Variants in CCDC13 observed in about 807,000 individuals in gnomAD.
CCDC13 encodes coiled-coil domain-containing protein 13.
CCDC13 carries 70 observed loss-of-function variants against 87.3 expected under a neutral mutation model. The observed-to-expected ratio is 0.80, with a 90% CI of 0.66 to 0.98. The LOEUF is 0.98. Ranked by LOEUF, CCDC13 falls within the 50% of genes least tolerant of loss-of-function variation. The probability of loss-of-function intolerance (pLI) is 0.00; values close to 1 mark genes in which losing one functional copy is unlikely to be tolerated. For missense variants in CCDC13, 842 were observed against 892.0 expected (o/e 0.94, Z 0.71); for synonymous variants, 317 against 360.3 (o/e 0.88, Z 1.36).
intron 1 of CCDC13, among the ~76,000 whole-genome samples, chr3:42,763,097 AAAAAGG>A (rs1699866550): frequency 6.6e-6 from 1 of 152,254 alleles, no homozygotes; most frequent in African/African-American, 2.4e-5. Flanking sequence ...TTATGAACAG[AAAAAGG>A]AAAGTGATGA....
At chr3:42,760,791 T>A (rs1156942859) in intron 1 of CCDC13, among the ~76,000 whole-genome samples, 4 of 151,860 alleles carry the variant, frequency 2.6e-5, no homozygotes, top group African/African-American at 7.2e-5. Flanking sequence ...ATAAATTAAT[T>A]AATTAAAATA....
downstream of CCDC13, among the ~76,000 whole-genome samples, chr3:42,705,648 G>T (rs1214351606): frequency 6.6e-6 from 1 of 152,188 alleles, no homozygotes. Flanking sequence ...AGGGCCCTTG[G>T]TGTCTTATCC....
intron 1 of CCDC13, among the ~76,000 whole-genome samples, chr3:42,759,741 A>ATT (rs1699789178): frequency 6.6e-6 from 1 of 152,244 alleles, no homozygotes; most frequent in Admixed American, 6.5e-5. Flanking sequence ...TATTATGAAT[A>ATT]AAGCCGTTAT....
intron 1 of CCDC13, among the ~76,000 whole-genome samples, chr3:42,763,521 T>C (rs1386359912): frequency 6.6e-6 from 1 of 151,556 alleles, no homozygotes; most frequent in East Asian, 1.9e-4. Context: ...TTTTTTTTTT[T>C]TTAGATGAAG....
intron 1 of CCDC13, among the ~76,000 whole-genome samples, chr3:42,771,443 A>G (rs1302474617): frequency 6.6e-6 from 1 of 152,204 alleles, no homozygotes; most frequent in Non-Finnish European, 1.5e-5. Flanking sequence ...CAAAACTTGT[A>G]GACCTGTGCA....
intron 1 of CCDC13, among the ~76,000 whole-genome samples, chr3:42,765,053 A>C (rs1699903731): frequency 6.6e-6 from 1 of 152,118 alleles, no homozygotes; most frequent in African/African-American, 2.4e-5. Context: ...CCCAATTTGC[A>C]CTTGAAGTCA....
At position 42,752,692 on chromosome 3, in the gene CCDC13, C is replaced by T. The variant is rs923711480; in HGVS notation, c.396G>A (p.Val132=). ...FTGTAGVAGD[V]VATKIVELSK... is the part of the protein sequence containing the mutation. ...ATAGCTCCACAATTTTGGTGGCGAC[C>T]ACGTCTCCGGCTACACCGGCTGTCC... Residue 132 remains valine (V), a synonymous_variant, in exon 4 of 16, where the codon GTG becomes GTA. Coordinates refer to ENST00000310232, the MANE Select transcript of CCDC13 (RefSeq NM_144719.4). 22 of 1,613,818 alleles carry T rather than the reference C, an allele frequency of 1.4e-5. No individual in the cohort carries two copies. The highest frequency in any genetic ancestry group is 1.5e-5 in the Non-Finnish European group (18 of 1,180,012).
At chr3:42,730,957 G>A (rs1244971508) in intron 12 of CCDC13, among the ~76,000 whole-genome samples, 2 of 152,066 alleles carry the variant, frequency 1.3e-5, no homozygotes, top group Non-Finnish European at 2.9e-5. Flanking sequence ...AGTGTCAGGT[G>A]TGCCCAGTCT....
chr3:42,752,838 A>C, intron 3 of CCDC13, 121 bp from the exon 4 acceptor site: 1 of 1,246,934 alleles, frequency 8.0e-7, no homozygotes, highest in South Asian at 1.4e-5. Flanking sequence ...ATGCTCATAA[A>C]GGGGCACTAA....
chr3:42,711,665 G>A (rs1340050132), intron 14 of CCDC13, among the ~76,000 whole-genome samples: 1 of 152,216 alleles, frequency 6.6e-6, no homozygotes, highest in Non-Finnish European at 1.5e-5. Context: ...TCTCTGCTCA[G>A]ATGTCTAGCT....
intron 5 of CCDC13, chr3:42,750,093 T>A (rs1699535660): frequency 2.8e-6 from 1 of 363,150 alleles, no homozygotes; most frequent in African/African-American, 2.1e-5. Context: ...AGGCTCCCTG[T>A]GGCCACAGAA....
intron 3 of CCDC13, among the ~76,000 whole-genome samples, chr3:42,753,686 A>AGGTGATGT (rs1699640371): frequency 6.6e-6 from 1 of 152,144 alleles, no homozygotes; most frequent in African/African-American, 2.4e-5. Context: ...CTCTCTGAGG[A>AGGTGATGT]GGTGATGTGT....
chr3:42,752,834 A>G, intron 3 of CCDC13, 117 bp from the exon 4 acceptor site: 1 of 1,268,788 alleles, frequency 7.9e-7, no homozygotes, highest in Non-Finnish European at 1.1e-6. Flanking sequence ...ATGAATGCTC[A>G]TAAAGGGGCA....
At chr3:42,747,125 G>A in intron 6 of CCDC13, 132 bp downstream of exon 6, 3 of 793,786 alleles carry the variant, frequency 3.8e-6, no homozygotes, top group Non-Finnish European at 6.8e-6. Flanking sequence ...ACTGGAGCCT[G>A]ACCCAGAGCA....
At chr3:42,733,665 A>G in intron 10 of CCDC13, 56 bp from the exon 11 acceptor site, 1 of 1,533,040 alleles carries the variant, frequency 6.5e-7, no homozygotes, top group Non-Finnish European at 8.8e-7. Context: ...GGCCTAGAGA[A>G]GGCAGGAGGG....
At chr3:42,734,657 G>A (rs968983524) in intron 10 of CCDC13, among the ~76,000 whole-genome samples, 5 of 152,198 alleles carry the variant, frequency 3.3e-5, no homozygotes, top group African/African-American at 4.8e-5. Context: ...AACAAACCAC[G>A]GATCCCCAGA....
rs770966186 is a variant in CCDC13, at chr3:42,752,622, T to A, written c.466A>T (p.Thr156Ser). The change falls in exon 4 of 16, where the codon ACC (threonine) becomes TCC (serine). Residue 156 changes from threonine (T) to serine (S), a missense_variant. By Grantham distance (58) the Thr-to-Ser change is moderately conservative. Transcript: ENST00000310232. ...LLMAESEGAKTRVKQLTNRIQ... is the reference protein window; with the variant it reads ...LLMAESEGAKSRVKQLTNRIQ... ...CGATTGGTCAGCTGCTTCACCCTGGTTTTTGCACCCTCTGATTCTGCCATC... is the reference window on the plus strand; with the variant it reads ...CGATTGGTCAGCTGCTTCACCCTGGATTTTGCACCCTCTGATTCTGCCATC... The A allele has an allele frequency of 1.2e-6, 2 of 1,614,066 alleles. No homozygotes were observed. Among genetic ancestry groups the A allele is most frequent in the African/African-American group, 2.7e-5 (2 of 74,922 alleles).
In CCDC13 at chr3:42,744,839, A is replaced by G. The variant is rs958162565; in HGVS notation, c.825+1084T>C. ...AAAAAAAAAAAAAAAAGAATTTGACATGTAACTTAATGACAATAAGAAGTA... is the reference window on the plus strand; with the variant it reads ...AAAAAAAAAAAAAAAAGAATTTGACGTGTAACTTAATGACAATAAGAAGTA... On this transcript the variant is annotated intron_variant, in intron 7 of 15. Coordinates refer to ENST00000310232, the MANE Select transcript of CCDC13 (RefSeq NM_144719.4). 4.6e-5 allele frequency: 7 copies of G among 150,958 alleles called. 1 individual carries two copies. The highest frequency in any genetic ancestry group is 3.3e-4 in the Admixed American group (5 of 15,126). 9.4% of individuals were successfully genotyped at this position (150,958 alleles called of 1,614,324 possible). A position where few individuals can be genotyped will look rare whatever the true frequency, so the allele number is the denominator to read the frequency against.
intron 7 of CCDC13, chr3:42,744,828 A>AAAAAAT (rs1559652585): frequency 1.3e-5 from 2 of 151,942 alleles, no homozygotes; most frequent in Non-Finnish European, 2.9e-5. Context: ...AAAAAAAAAA[A>AAAAAAT]AGAATTTGAC....
Sources: gnomAD v4.1 joint callset for allele counts (sites outside exome capture counted in the v4.1 genomes callset) on GRCh38, gnomAD v4.1.1 for gene constraint, MANE v1.5 for transcripts, NCBI Gene and HGNC (gene_info 2026-07-23, HGNC 2026-07-21) for gene names.